Variants in STXBP5L observed in about 807,000 individuals in gnomAD.
The protein encoded by STXBP5L is syntaxin-binding protein 5-like.
STXBP5L carries 65 observed loss-of-function variants against 144.5 expected under a neutral mutation model. That is an observed-to-expected ratio of 0.45 (90% CI 0.37 to 0.55). The LOEUF (loss-of-function observed/expected upper bound fraction) is 0.55. Ranked by LOEUF, STXBP5L falls within the 20% of genes least tolerant of loss-of-function variation. The probability of loss-of-function intolerance (pLI) is 0.00; values close to 1 mark genes in which losing one functional copy is unlikely to be tolerated. For missense variants in STXBP5L, 1,298 were observed against 1,405.5 expected (o/e 0.92, Z 1.22); for synonymous variants, 505 against 469.6 (o/e 1.08, Z -0.97).
At chr3:121,410,506 A>C (rs2047091341) in intron 23 of STXBP5L, among the ~76,000 whole-genome samples, 1 of 151,932 alleles carries the variant, frequency 6.6e-6, no homozygotes, top group Non-Finnish European at 1.5e-5. Context: ...GGCCTCATTC[A>C]TTTTCCCATA....
At chr3:121,142,741 G>A (rs763745847) in intron 7 of STXBP5L, among the ~76,000 whole-genome samples, 10 of 151,888 alleles carry the variant, frequency 6.6e-5, no homozygotes, top group Middle Eastern at 3.4e-3. Flanking sequence ...ATGGGATGCA[G>A]CAAAAGCAAT....
At chr3:121,352,442 G>A (rs1036323695) in intron 20 of STXBP5L, among the ~76,000 whole-genome samples, 4 of 151,958 alleles carry the variant, frequency 2.6e-5, no homozygotes, top group Admixed American at 1.3e-4. Flanking sequence ...TCTCCTTGTA[G>A]CAATTGCAAA....
rs1379838201 is a variant in STXBP5L, at chr3:121,061,005, T to A, written c.470+15470T>A. On this transcript the variant is annotated intron_variant, in intron 5 of 26. Coordinates refer to ENST00000471454, the MANE Select transcript of STXBP5L (RefSeq NM_001308330.2). The stretch of plus-strand genomic sequence containing the variant: ...GCTCTGATCTTAGTTATTTCTTGTC[T>A]TCTGCTACCTTTTGAATATGTTTGC... 3.3e-5 allele frequency among the ~76,000 whole-genome samples: 5 copies of A among 152,222 alleles called. No individual in the cohort carries two copies. In the East Asian group the frequency reaches 9.6e-4, roughly 29 times the overall value.
intron 22 of STXBP5L, among the ~76,000 whole-genome samples, chr3:121,405,451 G>A (rs1483867687): frequency 6.6e-6 from 1 of 152,022 alleles, no homozygotes; most frequent in African/African-American, 2.4e-5. Flanking sequence ...TATTGACTAT[G>A]ACTAAAATAG....
chr3:121,174,446 T>C (rs2046852730), intron 9 of STXBP5L, among the ~76,000 whole-genome samples: 1 of 152,114 alleles, frequency 6.6e-6, no homozygotes, highest in African/African-American at 2.4e-5. Flanking sequence ...AATATACTTA[T>C]AGAAAAAAGT....
intron 5 of STXBP5L, among the ~76,000 whole-genome samples, chr3:121,109,417 T>C (rs1051945190): frequency 2.0e-5 from 3 of 152,158 alleles, no homozygotes; most frequent in African/African-American, 7.2e-5. Context: ...GAGATTCTAG[T>C]GTATTGTTTA....
chr3:121,005,912 A>C (rs4048837), intron 3 of STXBP5L, among the ~76,000 whole-genome samples: 1 of 151,902 alleles, frequency 6.6e-6, no homozygotes, highest in Non-Finnish European at 1.5e-5. Flanking sequence ...CTGTGGTCTG[A>C]GAGACAGTTT....
chr3:121,380,850 A>G (rs537368097), intron 21 of STXBP5L, among the ~76,000 whole-genome samples: 1 of 152,150 alleles, frequency 6.6e-6, no homozygotes, highest in Non-Finnish European at 1.5e-5. Context: ...AAGCCCTTTC[A>G]TGCCAATCGC....
chr3:120,967,269 A>G (rs2107775163), intron 3 of STXBP5L, among the ~76,000 whole-genome samples: 1 of 152,284 alleles, frequency 6.6e-6, no homozygotes, highest in East Asian at 1.9e-4. Flanking sequence ...GAGACAATGC[A>G]TCACCCTGCT....
intron 3 of STXBP5L, among the ~76,000 whole-genome samples, chr3:120,958,088 C>A (rs1938260128): frequency 6.6e-6 from 1 of 152,094 alleles, no homozygotes; most frequent in Admixed American, 6.6e-5. Flanking sequence ...CACCACCGAT[C>A]CTGCAGAAAT....
In STXBP5L at chr3:121,127,367, G is replaced by C. The variant is rs144667566; in HGVS notation, c.669+5663G>C. On this transcript the variant is annotated intron_variant, in intron 7 of 26. Coordinates refer to ENST00000471454, the MANE Select transcript of STXBP5L (RefSeq NM_001308330.2). ...AAACAAAGAAGTTTATTTTTTCCTA[G>C]TTCTAACAACCAGAAGTCTAAAACT... 3.0e-4 allele frequency among the ~76,000 whole-genome samples: 46 copies of C among 152,058 alleles called. 1 individual carries two copies. The East Asian group carries it at 8.4e-3, about 28-fold the overall frequency.
chr3:121,024,914 A>G (rs1429041859), intron 3 of STXBP5L, among the ~76,000 whole-genome samples: 2 of 152,146 alleles, frequency 1.3e-5, no homozygotes, highest in East Asian at 1.9e-4. Flanking sequence ...TTGATCATGA[A>G]AAATCACTTA....
chr3:121,101,008 C>A lies in STXBP5L; in HGVS notation c.471-13917C>A, dbSNP rs191610735. Among the ~76,000 whole-genome samples, 91 of 152,088 alleles carry A rather than the reference C, an allele frequency of 6.0e-4. 1 individual carries two copies. The highest frequency in any genetic ancestry group is 5.2e-3 in the Admixed American group (79 of 15,266). ...CGTTATCTAGAGGAAACGGATAAAT[C>A]CCTGGAAGCACAGCCTCCCAAGAAT... On this transcript the variant is annotated intron_variant, in intron 5 of 26. Coordinates refer to ENST00000471454, the MANE Select transcript of STXBP5L (RefSeq NM_001308330.2).
chr3:121,210,742 G>C (rs1349094514), intron 10 of STXBP5L, among the ~76,000 whole-genome samples: 1 of 152,136 alleles, frequency 6.6e-6, no homozygotes, highest in South Asian at 2.1e-4. Flanking sequence ...GATAGTTGTA[G>C]ATGTGTGGTA....
chr3:121,279,912 A>G lies in STXBP5L; in HGVS notation c.2066A>G (p.Gln689Arg), dbSNP rs372846880. The G allele has an allele frequency of 1.2e-5, 19 of 1,612,564 alleles. No individual in the cohort carries two copies. The highest frequency in any genetic ancestry group is 2.2e-5 in the South Asian group (2 of 91,054). ...IDLYRSSDLY[Q>R]RQPRSPRKNK... is the part of the protein sequence containing the mutation. Reference sequence around the variant, plus strand: ...CTATATAGATCAAGTGACTTATACCAGCGACAACCACGGTCTCCTCGAAAA... The same window carrying G: ...CTATATAGATCAAGTGACTTATACCGGCGACAACCACGGTCTCCTCGAAAA... Residue 689 changes from glutamine to arginine, a missense_variant, in exon 19 of 27, where the codon CAG (glutamine) becomes CGG (arginine). By Grantham distance (43) the Gln-to-Arg change is conservative. Coordinates refer to ENST00000471454, the MANE Select transcript of STXBP5L (RefSeq NM_001308330.2).
intron 19 of STXBP5L, among the ~76,000 whole-genome samples, chr3:121,283,414 T>G (rs1391403209): frequency 1.3e-5 from 2 of 152,020 alleles, no homozygotes; most frequent in Non-Finnish European, 2.9e-5. Context: ...GCACCCCCTT[T>G]TAGGAATCCT....
chr3:121,199,759 C>T (rs1336265994), intron 9 of STXBP5L, among the ~76,000 whole-genome samples: 1 of 151,790 alleles, frequency 6.6e-6, no homozygotes, highest in East Asian at 1.9e-4. Flanking sequence ...TTTTGTCATT[C>T]GATCTGTTTA....
intron 19 of STXBP5L, among the ~76,000 whole-genome samples, chr3:121,313,436 G>T (rs1456545304): frequency 9.5e-6 from 1 of 105,402 alleles, no homozygotes; most frequent in Non-Finnish European, 1.9e-5. Flanking sequence ...GGCCGGGCGG[G>T]GGGCTGACCC....
intron 7 of STXBP5L, among the ~76,000 whole-genome samples, chr3:121,134,594 C>A (rs1016362838): frequency 2.0e-5 from 3 of 151,864 alleles, no homozygotes; most frequent in African/African-American, 7.3e-5. Context: ...TGTGATGTTC[C>A]CCTTCCTGTG....
Sources: allele counts gnomAD v4.1 joint callset (sites outside exome capture counted in the v4.1 genomes callset), GRCh38; gene constraint gnomAD v4.1.1; transcripts MANE v1.5; gene names NCBI Gene and HGNC (gene_info 2026-07-23, HGNC 2026-07-21).